CPXM2: variants seen among roughly 807,000 people sequenced by gnomAD.
CPXM2 encodes inactive carboxypeptidase-like protein X2.
In CPXM2, 66 loss-of-function variants were observed where a neutral mutation model predicts 86.1. The observed-to-expected ratio is 0.77, with a 90% CI of 0.63 to 0.94. The LOEUF is 0.94. Among genes scored for constraint, CPXM2 ranks in the 40% least tolerant of loss-of-function variants. The pLI is 0.00. For missense variants in CPXM2, 948 were observed against 1,026.3 expected, an observed-to-expected ratio of 0.92 and a Z score of 1.04; for synonymous variants, 388 against 400.2, an observed-to-expected ratio of 0.97 and a Z score of 0.36.
intron 4 of CPXM2, among the ~76,000 whole-genome samples, chr10:123,808,309 C>T (rs1455111201): frequency 6.6e-6 from 1 of 151,944 alleles, no homozygotes; most frequent in Non-Finnish European, 1.5e-5. Flanking sequence ...TGCTTAAAAC[C>T]ATCAGTGGGT....
chr10:123,795,492 C>T lies in CPXM2; in HGVS notation c.889+2484G>A, dbSNP rs76216261. ...GAAAGAGGCCTGGAAAGTGCAGACT[C>T]GGAGAGGCTACGTTTAAACCACGAG... On this transcript the variant is annotated intron_variant, in intron 6 of 13. Coordinates refer to ENST00000241305, the MANE Select transcript of CPXM2 (RefSeq NM_198148.3). Among the ~76,000 whole-genome samples the T allele has an allele frequency of 6.7e-3, 1,026 of 152,190 alleles. 13 individuals carry two copies. The highest frequency in any genetic ancestry group is 0.023 in the African/African-American group (969 of 41,510).
intron 3 of CPXM2, among the ~76,000 whole-genome samples, chr10:123,850,253 G>A (rs1488071882): frequency 6.6e-6 from 1 of 152,182 alleles, no homozygotes; most frequent in Non-Finnish European, 1.5e-5. Context: ...GCACATGTGA[G>A]CACATTTCCA....
rs1293105697 is a variant in CPXM2, at chr10:123,939,805, G to A, written n.120-274C>T. On this transcript the variant is annotated intron_variant and non_coding_transcript_variant, in intron 1 of 19. Transcript: ENST00000368854. ...ATGAGAATCCCTGTCCCAGAGCCTG[G>A]GCGCACCCCAGATGTGCCTGATCAG... Among the ~76,000 whole-genome samples the A allele has an allele frequency of 2.6e-5, 4 of 152,150 alleles. No homozygotes were observed. The East Asian group carries it at 7.7e-4, about 29-fold the overall frequency.
At position 123,782,689 on chromosome 10, in the gene CPXM2, G is replaced by A. The variant is rs185083927; in HGVS notation, c.890-2434C>T. ...CAGAGCCGGTTAGTCATCTAAGCCT[G>A]CTATCCCCTGCTTCCTTCTGTGGAC... On this transcript the variant is annotated intron_variant, in intron 6 of 13. Coordinates refer to ENST00000241305, the MANE Select transcript of CPXM2 (RefSeq NM_198148.3). 2.1e-3 allele frequency among the ~76,000 whole-genome samples: 321 copies of A among 152,308 alleles called. 4 individuals are homozygous for A. Among genetic ancestry groups the A allele is most frequent in the African/African-American group, 7.5e-3 (312 of 41,560 alleles).
intron 2 of CPXM2, among the ~76,000 whole-genome samples, chr10:123,906,144 G>A (rs910063537): frequency 2.0e-5 from 3 of 152,110 alleles, no homozygotes; most frequent in Admixed American, 6.5e-5. Context: ...CTCCCACTCC[G>A]GATCCCCAAG....
chr10:123,889,356 C>G (rs1454299689), intron 1 of CPXM2, among the ~76,000 whole-genome samples: 1 of 152,192 alleles, frequency 6.6e-6, no homozygotes, highest in African/African-American at 2.4e-5. Context: ...CCCACAGATT[C>G]AGTGAGCTCC....
chr10:123,853,965 T>C (rs1246142036), intron 3 of CPXM2, among the ~76,000 whole-genome samples: 4 of 152,034 alleles, frequency 2.6e-5, no homozygotes, highest in Non-Finnish European at 5.9e-5. Context: ...CCTCCTCTCC[T>C]TTTTTCTCCC....
chr10:123,903,154 T>C (rs1231081818), intron 2 of CPXM2, among the ~76,000 whole-genome samples: 2 of 152,216 alleles, frequency 1.3e-5, no homozygotes, highest in Non-Finnish European at 2.9e-5. Flanking sequence ...CCAGCCCTCA[T>C]GACCTTGTCC....
At chr10:123,797,606 G>GTCTCACTCCATTGTCCAGGC (rs33953133) in intron 6 of CPXM2, among the ~76,000 whole-genome samples, 1 of 151,484 alleles carries the variant, frequency 6.6e-6, no homozygotes, top group Non-Finnish European at 1.5e-5. Flanking sequence ...TTGAGACAGG[G>GTCTCACTCCATTGTCCAGGC]TGGAGTGTAG....
Position 123,793,203 on chromosome 10 carries a change from G to T in CPXM2, c.889+4773C>A, listed in dbSNP as rs559077106. Among the ~76,000 whole-genome samples, 4 of 152,208 alleles carry T rather than the reference G, an allele frequency of 2.6e-5. No individual in the cohort carries two copies. The East Asian group carries it at 7.7e-4, about 29-fold the overall frequency. On this transcript the variant is annotated intron_variant, in intron 6 of 13. Coordinates refer to ENST00000241305, the MANE Select transcript of CPXM2 (RefSeq NM_198148.3). ...TTTGAGGCTGGGCGCAGTGGCTCAG[G>T]CCTGTAATCCCAGCACTTTGGGAGG...
chr10:123,881,644 G>C (rs1420039625), intron 1 of CPXM2, among the ~76,000 whole-genome samples: 1 of 152,194 alleles, frequency 6.6e-6, no homozygotes, highest in Non-Finnish European at 1.5e-5. Context: ...GAGAGTGGGA[G>C]ATGTAGCCTT....
chr10:123,813,799 T>G (rs1399744672), intron 4 of CPXM2, among the ~76,000 whole-genome samples: 2 of 152,250 alleles, frequency 1.3e-5, no homozygotes, highest in African/African-American at 4.8e-5. Flanking sequence ...TATCATAATC[T>G]GCGTTAATTA....
intron 3 of CPXM2, among the ~76,000 whole-genome samples, chr10:123,860,150 G>A (rs1192696557): frequency 6.6e-6 from 1 of 152,218 alleles, no homozygotes; most frequent in African/African-American, 2.4e-5. Flanking sequence ...GAGAGACCCA[G>A]TCACCCAAGA....
intron 2 of CPXM2, among the ~76,000 whole-genome samples, chr10:123,906,281 T>C (rs1945440902): frequency 6.6e-6 from 1 of 152,208 alleles, no homozygotes; most frequent in Non-Finnish European, 1.5e-5. Context: ...GAGACACTAA[T>C]GTCTACCTAG....
rs1243654001 is a variant in CPXM2, at chr10:123,750,336, A to C, written c.2018-3319T>G. 3.1e-6 allele frequency: 3 copies of C among 975,872 alleles called. No homozygotes were observed. In the Admixed American group the frequency reaches 1.8e-4, roughly 60 times the overall value. The allele number at this position is 975,872 out of a possible 1,614,324, so 60.5% of individuals were successfully genotyped here. A position where few individuals can be genotyped will look rare whatever the true frequency, so the allele number is the denominator to read the frequency against. On this transcript the variant is annotated intron_variant, in intron 13 of 13. Coordinates refer to ENST00000241305, the MANE Select transcript of CPXM2 (RefSeq NM_198148.3). ...AGGTCCTGGGGGCCCCTTCCACATC[A>C]TTGCACTCCACTGCTCCCAGCCGGC...
intron 3 of CPXM2, among the ~76,000 whole-genome samples, chr10:123,857,583 G>GAAGGCGGCGTGGAGATGC (rs1848756106): frequency 7.0e-6 from 1 of 142,150 alleles, no homozygotes; most frequent in Admixed American, 6.9e-5. Flanking sequence ...CGTGGAGATG[G>GAAGGCGGCGTGGAGATGC]AAGGCGGCGT....
At chr10:123,874,480 T>C (rs938403110) in intron 2 of CPXM2, among the ~76,000 whole-genome samples, 4 of 152,162 alleles carry the variant, frequency 2.6e-5, no homozygotes, top group African/African-American at 9.7e-5. Context: ...GTTTATAGCA[T>C]GTGTTTACTG....
intron 4 of CPXM2, among the ~76,000 whole-genome samples, chr10:123,811,981 T>C (rs1423615368): frequency 6.6e-6 from 1 of 152,220 alleles, no homozygotes; most frequent in African/African-American, 2.4e-5. Flanking sequence ...TAAAGAAGAC[T>C]ATGACAATCA....
At chr10:123,870,872 G>T (rs1305898460) in intron 2 of CPXM2, among the ~76,000 whole-genome samples, 1 of 152,190 alleles carries the variant, frequency 6.6e-6, no homozygotes, top group East Asian at 1.9e-4. Context: ...CCACTGGTCG[G>T]AAGTTCCCAG....
Sources: allele counts gnomAD v4.1 joint callset (sites outside exome capture counted in the v4.1 genomes callset), GRCh38; gene constraint gnomAD v4.1.1; transcripts MANE v1.5; gene names NCBI Gene and HGNC (gene_info 2026-07-23, HGNC 2026-07-21).